LYPLAL1: variants seen among roughly 807,000 people sequenced by gnomAD.
LYPLAL1 encodes lysophospholipase like 1.
LYPLAL1 carries 23 observed loss-of-function variants against 19.7 expected under a neutral mutation model. That is an observed-to-expected ratio of 1.17 (90% confidence interval 0.84 to 1.65). The LOEUF (loss-of-function observed/expected upper bound fraction) is 1.65. Ranked by LOEUF, LYPLAL1 falls within the 40% of genes most tolerant of loss-of-function variation. The pLI is 0.00. For synonymous variants in LYPLAL1, 119 were observed against 96.3 expected (o/e 1.24, Z -1.38); for missense variants, 355 against 279.4 (o/e 1.27, Z -1.93).
At chr1:219,176,475 G>A (rs1405082895) in intron 1 of LYPLAL1, among the ~76,000 whole-genome samples, 1 of 152,132 alleles carries the variant, frequency 6.6e-6, no homozygotes, top group Admixed American at 6.5e-5. Context: ...GCTCTATGTC[G>A]CTCAATGTAA....
the LYPLAL1 span, among the ~76,000 whole-genome samples, chr1:219,388,403 C>T: frequency 7.2e-5 from 11 of 152,248 alleles, no homozygotes; most frequent in African/African-American, 2.6e-4. Flanking sequence ...TCTGCCTCCA[C>T]GCATAAGTTA....
intron 2 of LYPLAL1, among the ~76,000 whole-genome samples, chr1:219,182,095 AG>A (rs1656340885): frequency 6.6e-6 from 1 of 152,146 alleles, no homozygotes; most frequent in Non-Finnish European, 1.5e-5. Context: ...GTTGTTCATA[AG>A]GGGTTGCAAT....
At chr1:219,321,407 T>C in the LYPLAL1 span, among the ~76,000 whole-genome samples, 1 of 152,226 alleles carries the variant, frequency 6.6e-6, no homozygotes, top group Non-Finnish European at 1.5e-5. Context: ...TTCACTCTGA[T>C]GGTAGTTTCT....
At chr1:219,359,155 CTT>C in the LYPLAL1 span, among the ~76,000 whole-genome samples, 22 of 152,262 alleles carry the variant, frequency 1.4e-4, no homozygotes, top group East Asian at 1.2e-3. Flanking sequence ...TAAAATCACT[CTT>C]AATATGATAA....
the LYPLAL1 span, among the ~76,000 whole-genome samples, chr1:219,231,464 A>G: frequency 6.6e-6 from 1 of 152,188 alleles, no homozygotes; most frequent in East Asian, 1.9e-4. Context: ...ATTCATGCAA[A>G]TGTGCATATT....
At chr1:219,434,889 GA>G in the LYPLAL1 span, among the ~76,000 whole-genome samples, 5,407 of 148,926 alleles carry the variant, frequency 0.036, 135 homozygotes, top group African/African-American at 0.07. Flanking sequence ...TGCTGTACTG[GA>G]AAAAAAAAAA....
chr1:219,191,248 C>G (rs1423874559), intron 2 of LYPLAL1, among the ~76,000 whole-genome samples: 1 of 151,494 alleles, frequency 6.6e-6, no homozygotes, highest in Non-Finnish European at 1.5e-5. Flanking sequence ...CAACCTGTTT[C>G]TTGACTCTTT....
At chr1:219,353,090 A>G in the LYPLAL1 span, among the ~76,000 whole-genome samples, 2 of 152,214 alleles carry the variant, frequency 1.3e-5, no homozygotes, top group Admixed American at 1.3e-4. Context: ...ACAAGAATGT[A>G]ATGTTTAGGA....
chr1:219,393,203 G>A, the LYPLAL1 span, among the ~76,000 whole-genome samples: 1 of 152,290 alleles, frequency 6.6e-6, no homozygotes, highest in South Asian at 2.1e-4. Flanking sequence ...CTGAACAGAT[G>A]GCCATGAAGA....
chr1:219,324,857 C>T, the LYPLAL1 span, among the ~76,000 whole-genome samples: 8 of 152,070 alleles, frequency 5.3e-5, no homozygotes, highest in African/African-American at 9.7e-5. Flanking sequence ...ATAGAGTAAC[C>T]GCCTTAAATA....
At chr1:219,388,739 C>T in the LYPLAL1 span, among the ~76,000 whole-genome samples, 1 of 152,116 alleles carries the variant, frequency 6.6e-6, no homozygotes, top group Admixed American at 6.6e-5. Context: ...CACAAAATGT[C>T]ATTGGCTTCC....
chr1:219,320,180 T>A, the LYPLAL1 span, among the ~76,000 whole-genome samples: 1 of 152,206 alleles, frequency 6.6e-6, no homozygotes, highest in Non-Finnish European at 1.5e-5. Flanking sequence ...TGTTTTCTTT[T>A]CATTCAGCAT....
chr1:219,369,887 CAGGT>C, the LYPLAL1 span, among the ~76,000 whole-genome samples: 2 of 152,184 alleles, frequency 1.3e-5, no homozygotes, highest in Non-Finnish European at 2.9e-5. Context: ...GCTTTGGACT[CAGGT>C]AGGATAATGC....
At chr1:219,289,078 G>GTTTTTTTTTTTTTTT in the LYPLAL1 span, among the ~76,000 whole-genome samples, 1 of 114,920 alleles carries the variant, frequency 8.7e-6, no homozygotes, top group Non-Finnish European at 1.8e-5. Flanking sequence ...CTCTTGTTTT[G>GTTTTTTTTTTTTTTT]TTTTTTTTGT....
At chr1:219,314,795 T>C in the LYPLAL1 span, among the ~76,000 whole-genome samples, 288 of 152,334 alleles carry the variant, frequency 1.9e-3, 2 homozygotes, top group African/African-American at 5.9e-3. Context: ...AGCTAGCATG[T>C]CTTTATTGAT....
At chr1:219,277,594 T>A in the LYPLAL1 span, among the ~76,000 whole-genome samples, 5 of 152,272 alleles carry the variant, frequency 3.3e-5, no homozygotes, top group African/African-American at 1.2e-4. Context: ...CATTTTAGGA[T>A]CAGAAGCTGG....
the LYPLAL1 span, among the ~76,000 whole-genome samples, chr1:219,428,677 C>T: frequency 2.6e-5 from 4 of 152,178 alleles, no homozygotes; most frequent in African/African-American, 2.4e-5. Context: ...TCTCTTATAT[C>T]GAATTAGAAT....
the LYPLAL1 span, among the ~76,000 whole-genome samples, chr1:219,292,583 C>T: frequency 1.2e-4 from 19 of 152,146 alleles, no homozygotes; most frequent in African/African-American, 4.3e-4. Flanking sequence ...CCTTGCTGCC[C>T]TCATTTCCCC....
chr1:219,206,176 GT>G (rs2125105482), intron 3 of LYPLAL1, among the ~76,000 whole-genome samples: 1 of 151,880 alleles, frequency 6.6e-6, no homozygotes, highest in Non-Finnish European at 1.5e-5. Context: ...GATTGTTTCT[GT>G]TTTATTTTAT....
Sources: gnomAD v4.1 joint callset for allele counts (sites outside exome capture counted in the v4.1 genomes callset) on GRCh38, gnomAD v4.1.1 for gene constraint, MANE v1.5 for transcripts, NCBI Gene and HGNC (gene_info 2026-07-23, HGNC 2026-07-21) for gene names.